Variants in LRP2 observed in about 807,000 individuals in gnomAD.
The protein encoded by LRP2 is low-density lipoprotein receptor-related protein 2.
In LRP2, 172 loss-of-function variants were observed where a neutral mutation model predicts 531.0. That is an observed-to-expected ratio of 0.32 (90% CI 0.29 to 0.37). The LOEUF (loss-of-function observed/expected upper bound fraction) is 0.37. Ranked by LOEUF, LRP2 falls within the 10% of genes least tolerant of loss-of-function variation. The pLI is 1.00. For synonymous variants in LRP2, 1,992 were observed against 2,027.6 expected, an observed-to-expected ratio of 0.98 and a Z score of 0.47; for missense variants, 5,167 against 5,868.3, an observed-to-expected ratio of 0.88 and a Z score of 3.90.
intron 48 of LRP2, among the ~76,000 whole-genome samples, chr2:169,188,682 T>G (rs1687723359): frequency 6.6e-6 from 1 of 152,200 alleles, no homozygotes; most frequent in Admixed American, 6.5e-5. Context: ...TGGCACTATC[T>G]ATGTTCAACA....
intron 71 of LRP2, 77 bp from the exon 72 acceptor site, chr2:169,140,622 G>A: frequency 8.9e-7 from 1 of 1,124,236 alleles, no homozygotes; most frequent in Non-Finnish European, 1.3e-6. Flanking sequence ...ACCGGCCCAG[G>A]TTAGGGGTGG....
At chr2:169,157,616 C>A in intron 63 of LRP2, 114 bp from the exon 64 acceptor site, 1 of 1,202,820 alleles carries the variant, frequency 8.3e-7, no homozygotes, top group Non-Finnish European at 1.2e-6. Flanking sequence ...GAGATAACCC[C>A]TTTCCATAAG....
chr2:169,359,280 A>G (rs2105589061), intron 1 of LRP2, among the ~76,000 whole-genome samples: 1 of 152,330 alleles, frequency 6.6e-6, no homozygotes, highest in Non-Finnish European at 1.5e-5. Context: ...CACAGCTAGA[A>G]AGTGGTAAAG....
intron 68 of LRP2, among the ~76,000 whole-genome samples, chr2:169,148,369 G>A (rs1312969321): frequency 3.3e-5 from 5 of 152,118 alleles, no homozygotes; most frequent in East Asian, 3.9e-4. Flanking sequence ...CTTTAAAACC[G>A]ATTATGATGA....
intron 47 of LRP2, 44 bp downstream of exon 47, chr2:169,193,717 C>T: frequency 1.2e-6 from 2 of 1,613,550 alleles, no homozygotes; most frequent in Non-Finnish European, 1.7e-6. Flanking sequence ...TACTGTGTTT[C>T]CCTGGAATGT....
rs749804584 is a variant in LRP2, at chr2:169,225,361, A to G, written c.5487T>C (p.Asp1829=). The G allele has an allele frequency of 3.8e-5, 61 of 1,613,912 alleles. No individual in the cohort carries two copies. The highest frequency in any genetic ancestry group is 5.0e-5 in the Non-Finnish European group (59 of 1,179,954). ...MVGPSMNLAL[D]WISRNLYSTN... ...TAGAATAAAGGTTTCTTGAAATCCAATCTAAGGCCAGGTTCATAGAAGGCC... is the reference window on the plus strand; with the variant it reads ...TAGAATAAAGGTTTCTTGAAATCCAGTCTAAGGCCAGGTTCATAGAAGGCC... Residue 1829 remains aspartate (D), a synonymous_variant, in exon 33 of 79, where the codon GAT becomes GAC. Transcript: ENST00000649046.
chr2:169,147,788 T>C (rs1203309166), intron 68 of LRP2, among the ~76,000 whole-genome samples: 1 of 152,140 alleles, frequency 6.6e-6, no homozygotes, highest in Non-Finnish European at 1.5e-5. Context: ...CGGTTGTAAA[T>C]ATCAAGTGAT....
chr2:169,227,866 C>A (rs1322127937), intron 31 of LRP2, among the ~76,000 whole-genome samples: 2 of 152,146 alleles, frequency 1.3e-5, no homozygotes, highest in Non-Finnish European at 2.9e-5. Context: ...AACAAGCCTG[C>A]AAAGTTGTTT....
chr2:169,169,694 G>A lies in LRP2; in HGVS notation c.11497+8C>T, dbSNP rs1686922613. 3.1e-6 allele frequency: 5 copies of A among 1,609,242 alleles called. No homozygotes were observed. In the East Asian group the frequency reaches 1.1e-4, roughly 36 times the overall value. ...TAAGCAGTACTACATATGTGTCTAG[G>A]GACTTACGACAATCAGCTTCATCAG... is the stretch of plus-strand genomic sequence containing the variant. On this transcript the variant is annotated splice_region_variant and intron_variant, in intron 60 of 78. Transcript: ENST00000649046.
chr2:169,172,174 C>G, intron 57 of LRP2, 40 bp from the exon 58 acceptor site: 3 of 1,613,092 alleles, frequency 1.9e-6, no homozygotes, highest in Non-Finnish European at 2.5e-6. Flanking sequence ...AAACCATTGG[C>G]AGAGAAATGC....
chr2:169,291,231 G>A (rs1037540629), intron 7 of LRP2, among the ~76,000 whole-genome samples: 1 of 152,154 alleles, frequency 6.6e-6, no homozygotes, highest in Non-Finnish European at 1.5e-5. Context: ...CCCCAGTAGG[G>A]TTATAAGAGG....
Position 169,173,941 on chromosome 2 carries a change from C to T in LRP2, c.10992G>A (p.Ser3664=), listed in dbSNP as rs562394755. The T allele has an allele frequency of 4.2e-5, 68 of 1,614,156 alleles. No homozygotes were observed. In the East Asian group the frequency reaches 7.6e-4, roughly 18 times the overall value. Residue 3664 remains serine, a synonymous_variant, in exon 56 of 79, where the codon TCG becomes TCA. Transcript: ENST00000649046. ...TACTGCATTCTTCAATGGGCTCATC[C>T]GAGTGGTCTCCACAATCATTATCCA... The part of the protein sequence containing the change: ...CDVDNDCGDH[S]DEPIEECMSS...
intron 58 of LRP2, among the ~76,000 whole-genome samples, chr2:169,171,371 A>G (rs1339878437): frequency 6.6e-6 from 1 of 152,122 alleles, no homozygotes; most frequent in Non-Finnish European, 1.5e-5. Flanking sequence ...TGTTTTCAGA[A>G]CACACATTGA....
chr2:169,196,771 G>A lies in LRP2; in HGVS notation c.8698+140C>T, dbSNP rs1303616012. 4.3e-6 allele frequency: 5 copies of A among 1,159,418 alleles called. No individual in the cohort carries two copies. The Admixed American group carries it at 5.2e-5, about 12-fold the overall frequency. The allele number at this position is 1,159,418 out of a possible 1,614,324, so 71.8% of individuals were successfully genotyped here. A position where few individuals can be genotyped will look rare whatever the true frequency, so the allele number is the denominator to read the frequency against. On this transcript the variant is annotated intron_variant, in intron 46 of 78. Coordinates refer to ENST00000649046, the MANE Select transcript of LRP2 (RefSeq NM_004525.3). ...TCTTAATGAATATCCGCTGAGCGGT[G>A]TCAGCATTCCAGATGAAAGCTGGGA...
At chr2:169,131,765 C>T (rs1685299139) in intron 77 of LRP2, among the ~76,000 whole-genome samples, 4 of 152,172 alleles carry the variant, frequency 2.6e-5, no homozygotes. Flanking sequence ...CTCAATATGC[C>T]AATAGCGCCC....
chr2:169,221,693 T>TACACAC (rs369517316), intron 33 of LRP2, among the ~76,000 whole-genome samples: 1 of 148,992 alleles, frequency 6.7e-6, no homozygotes, highest in East Asian at 2.0e-4. Context: ...CACGCACACA[T>TACACAC]ACACACACAC....
intron 65 of LRP2, among the ~76,000 whole-genome samples, chr2:169,155,350 A>G (rs1179342003): frequency 2.0e-5 from 3 of 152,330 alleles, no homozygotes; most frequent in Admixed American, 6.5e-5. Flanking sequence ...TTAAACATTT[A>G]AAAAATTGCT....
At chr2:169,266,247 A>T (rs1235055550) in intron 16 of LRP2, among the ~76,000 whole-genome samples, 1 of 152,056 alleles carries the variant, frequency 6.6e-6, no homozygotes, top group Non-Finnish European at 1.5e-5. Context: ...ACCTAGAACA[A>T]GGAAGTAAAT....
chr2:169,149,039 C>T (rs1333572902), intron 68 of LRP2, among the ~76,000 whole-genome samples: 1 of 152,190 alleles, frequency 6.6e-6, no homozygotes, highest in Non-Finnish European at 1.5e-5. Context: ...TGTTTTTCAG[C>T]AGTGTCCTCA....
Sources: allele counts gnomAD v4.1 joint callset (sites outside exome capture counted in the v4.1 genomes callset), GRCh38; gene constraint gnomAD v4.1.1; transcripts MANE v1.5; gene names NCBI Gene and HGNC (gene_info 2026-07-23, HGNC 2026-07-21).